NEGR1: variants seen among roughly 807,000 people sequenced by gnomAD.
The protein encoded by NEGR1 is neuronal growth regulator 1.
In NEGR1, 10 loss-of-function variants were observed where a neutral mutation model predicts 40.9. The observed-to-expected ratio is 0.24, with a 90% CI of 0.15 to 0.42. The LOEUF (loss-of-function observed/expected upper bound fraction) is 0.42, where lower values mean the gene tolerates loss of function less well. NEGR1 is among the 10% of genes least tolerant of loss of function. The probability of loss-of-function intolerance (pLI) is 1.00; values close to 1 mark genes in which losing one functional copy is unlikely to be tolerated. For missense variants in NEGR1, 352 were observed against 438.9 expected (o/e 0.80, Z 1.77); for synonymous variants, 185 against 166.8 (o/e 1.11, Z -0.84).
At chr1:71,760,295 G>A (rs1655898280) in intron 3 of NEGR1, among the ~76,000 whole-genome samples, 1 of 152,118 alleles carries the variant, frequency 6.6e-6, no homozygotes, top group Non-Finnish European at 1.5e-5. Context: ...GGCATTATAT[G>A]TGTCTTAAAA....
intron 1 of NEGR1, among the ~76,000 whole-genome samples, chr1:72,231,455 CA>C (rs1654361875): frequency 6.6e-6 from 1 of 152,054 alleles, no homozygotes; most frequent in African/African-American, 2.4e-5. Context: ...TACATGGGGA[CA>C]ATGATAGTAC....
intron 6 of NEGR1, among the ~76,000 whole-genome samples, chr1:71,538,317 T>G (rs143892849): frequency 6.6e-6 from 1 of 151,894 alleles, no homozygotes; most frequent in African/African-American, 2.4e-5. Flanking sequence ...ACTTCATTTC[T>G]ATGTATTTTG....
intron 6 of NEGR1, among the ~76,000 whole-genome samples, chr1:71,573,930 T>C (rs370676695): frequency 9.8e-5 from 15 of 152,320 alleles, no homozygotes; most frequent in Admixed American, 8.5e-4. Flanking sequence ...TATCTCTATA[T>C]ATCTGCAGAT....
At chr1:71,492,392 CA>C (rs1646935960) in intron 6 of NEGR1, among the ~76,000 whole-genome samples, 1 of 151,836 alleles carries the variant, frequency 6.6e-6, no homozygotes, top group Non-Finnish European at 1.5e-5. Flanking sequence ...AAACGTTTAT[CA>C]AAAAAACATA....
At chr1:71,864,465 C>T (rs576400334) in intron 2 of NEGR1, among the ~76,000 whole-genome samples, 43 of 152,198 alleles carry the variant, frequency 2.8e-4, no homozygotes, top group African/African-American at 9.6e-4. Context: ...CAGAGAAAAA[C>T]AAGAAAATAA....
At chr1:71,996,304 A>G (rs1646504255) in intron 1 of NEGR1, among the ~76,000 whole-genome samples, 1 of 152,170 alleles carries the variant, frequency 6.6e-6, no homozygotes, top group Admixed American at 6.5e-5. Flanking sequence ...AGCTATAAGA[A>G]GTCACACAAT....
At chr1:71,457,463 C>T (rs1391534614) in intron 6 of NEGR1, among the ~76,000 whole-genome samples, 1 of 152,132 alleles carries the variant, frequency 6.6e-6, no homozygotes, top group South Asian at 2.1e-4. Context: ...AGTCATTCAT[C>T]GCATGTTTGT....
intron 1 of NEGR1, among the ~76,000 whole-genome samples, chr1:72,227,856 T>G (rs1428670579): frequency 1.3e-5 from 2 of 152,022 alleles, no homozygotes; most frequent in Non-Finnish European, 2.9e-5. Flanking sequence ...AGAGCGCAAG[T>G]GAGTAATATT....
At chr1:72,029,503 C>A (rs77102984) in intron 1 of NEGR1, among the ~76,000 whole-genome samples, 2 of 152,106 alleles carry the variant, frequency 1.3e-5, no homozygotes, top group Non-Finnish European at 2.9e-5. Context: ...GGATCATTAA[C>A]GATCTATCCA....
Position 72,282,391 on chromosome 1 carries a change from C to T in NEGR1, c.104G>A (p.Gly35Glu). 1.2e-6 allele frequency: 2 copies of T among 1,613,954 alleles called. No homozygotes were observed. The highest frequency in any genetic ancestry group is 1.7e-6 in the Non-Finnish European group (2 of 1,179,966). Reference sequence around the variant, plus strand: ...CGCCCAGGGGAAGTCCACACTCTGTCCAGCCGGGAGGCAGGAGGGTAGCAG... The same window carrying T: ...CGCCCAGGGGAAGTCCACACTCTGTTCAGCCGGGAGGCAGGAGGGTAGCAG... ...CCLLPSCLPA[G>E]QSVDFPWAAV... Residue 35 changes from glycine (G) to glutamate (E), a missense_variant, in exon 1 of 7, where the codon GGA (glycine) becomes GAA (glutamate). Transcript: ENST00000357731.
At chr1:71,906,837 T>C (rs1323385387) in intron 2 of NEGR1, among the ~76,000 whole-genome samples, 4 of 152,158 alleles carry the variant, frequency 2.6e-5, no homozygotes, top group Non-Finnish European at 4.4e-5. Flanking sequence ...TAAAACTAGC[T>C]GCTGGCTCTT....
intron 2 of NEGR1, among the ~76,000 whole-genome samples, chr1:71,831,282 G>A (rs1658831278): frequency 6.6e-6 from 1 of 151,858 alleles, no homozygotes; most frequent in East Asian, 1.9e-4. Context: ...ATCAAGGTGG[G>A]AATACAATGT....
intron 6 of NEGR1, among the ~76,000 whole-genome samples, chr1:71,449,811 T>A (rs1423774542): frequency 6.6e-6 from 1 of 152,146 alleles, no homozygotes; most frequent in African/African-American, 2.4e-5. Context: ...CAATCTCATG[T>A]CTTAGAACTT....
At chr1:71,632,962 T>G (rs1398107691) in intron 4 of NEGR1, among the ~76,000 whole-genome samples, 1 of 152,084 alleles carries the variant, frequency 6.6e-6, no homozygotes, top group African/African-American at 2.4e-5. Flanking sequence ...TATGGCAAGA[T>G]TTTCTGAATA....
chr1:72,034,318 T>C (rs1408758097), intron 1 of NEGR1, among the ~76,000 whole-genome samples: 8 of 152,200 alleles, frequency 5.3e-5, no homozygotes, highest in Non-Finnish European at 1.2e-4. Context: ...CCATTGTGCA[T>C]GCAGGTGTGA....
chr1:71,588,209 A>AT (rs1221787565), intron 6 of NEGR1, among the ~76,000 whole-genome samples: 1 of 152,086 alleles, frequency 6.6e-6, no homozygotes, highest in Non-Finnish European at 1.5e-5. Context: ...TGGAAGAAAC[A>AT]TTTTTTTAGT....
chr1:71,585,373 A>G (rs1649269217), intron 6 of NEGR1, among the ~76,000 whole-genome samples: 1 of 152,154 alleles, frequency 6.6e-6, no homozygotes, highest in African/African-American at 2.4e-5. Flanking sequence ...GTAAATTGCT[A>G]TGGAGCTCTC....
At chr1:71,537,643 G>C (rs1647551904) in intron 6 of NEGR1, among the ~76,000 whole-genome samples, 2 of 151,688 alleles carry the variant, frequency 1.3e-5, no homozygotes, top group Non-Finnish European at 3.0e-5. Context: ...ATGCCATAGA[G>C]GGACAACTCG....
chr1:72,081,824 G>C (rs1449563053), intron 1 of NEGR1, among the ~76,000 whole-genome samples: 1 of 151,992 alleles, frequency 6.6e-6, no homozygotes, highest in Non-Finnish European at 1.5e-5. Flanking sequence ...CTATATCACT[G>C]TTAGGTAATC....
Sources: allele counts gnomAD v4.1 joint callset (sites outside exome capture counted in the v4.1 genomes callset), GRCh38; gene constraint gnomAD v4.1.1; transcripts MANE v1.5; gene names NCBI Gene and HGNC (gene_info 2026-07-23, HGNC 2026-07-21).